Variants in WWC2 observed in about 807,000 individuals in gnomAD.
WWC2 encodes WW and C2 domain containing 2.
WWC2 carries 101 observed loss-of-function variants against 138.5 expected under a neutral mutation model. That is an observed-to-expected ratio of 0.73 (90% confidence interval 0.62 to 0.86). WWC2 has a LOEUF of 0.86. Ranked by LOEUF, WWC2 falls within the 40% of genes least tolerant of loss-of-function variation. The pLI is 0.00. For synonymous variants in WWC2, 558 were observed against 538.4 expected (o/e 1.04, Z -0.50); for missense variants, 1,420 against 1,419.4 (o/e 1.00, Z -0.01).
intron 1 of WWC2, among the ~76,000 whole-genome samples, chr4:183,113,109 C>G (rs573480690): frequency 1.3e-5 from 2 of 152,006 alleles, no homozygotes; most frequent in African/African-American, 4.8e-5. Context: ...CCCATCTCTA[C>G]TAAAAATACA....
Position 183,261,333 on chromosome 4 carries a change from G to T in WWC2, c.1710G>T (p.Met570Ile). The change falls in exon 11 of 23, where the codon ATG becomes ATT. Residue 570 changes from methionine (M) to isoleucine (I), a missense_variant. Coordinates refer to ENST00000403733, the MANE Select transcript of WWC2 (RefSeq NM_024949.6). ...TGGTTTTGGAAGGCACGTTTCCCAT[G>T]TCTTCTTCTCATGATGCCTCTCTCC... Reference protein sequence around the residue: ...SPLVLEGTFPMSSSHDASLHQ... With the variant: ...SPLVLEGTFPISSSHDASLHQ... 1 of 1,613,490 alleles carries T rather than the reference G, an allele frequency of 6.2e-7. No individual in the cohort carries two copies.
intron 1 of WWC2, among the ~76,000 whole-genome samples, chr4:183,162,804 G>C (rs187376356): frequency 6.6e-6 from 1 of 152,220 alleles, no homozygotes; most frequent in Non-Finnish European, 1.5e-5. Flanking sequence ...ATCTAGGTTA[G>C]TGGTTATTTG....
At chr4:183,218,802 G>A (rs1238468070) in intron 4 of WWC2, among the ~76,000 whole-genome samples, 2 of 152,068 alleles carry the variant, frequency 1.3e-5, no homozygotes, top group African/African-American at 4.8e-5. Context: ...TTCTGATCAG[G>A]GCTTCAACTG....
intron 21 of WWC2, among the ~76,000 whole-genome samples, chr4:183,302,041 T>C (rs900846257): frequency 1.3e-5 from 2 of 152,206 alleles, no homozygotes; most frequent in African/African-American, 4.8e-5. Context: ...ATGCATTCAT[T>C]TGTATAGCTC....
chr4:183,103,688 A>G (rs1250417079), intron 1 of WWC2, among the ~76,000 whole-genome samples: 1 of 133,468 alleles, frequency 7.5e-6, no homozygotes, highest in Admixed American at 8.5e-5. Flanking sequence ...GCCAGACTGG[A>G]GTGCAGTGGT....
Position 183,315,029 on chromosome 4 carries a change from G to A in WWC2, c.3513-634G>A, listed in dbSNP as rs150618871. On this transcript the variant is annotated intron_variant, in intron 22 of 22. Coordinates refer to ENST00000403733, the MANE Select transcript of WWC2 (RefSeq NM_024949.6). ...AATATGCCCTCAAGAAATACGTGCTGACGGCATAAATGCCATGTACAGTGT... is the reference window on the plus strand; with the variant it reads ...AATATGCCCTCAAGAAATACGTGCTAACGGCATAAATGCCATGTACAGTGT... Among the ~76,000 whole-genome samples the A allele has an allele frequency of 5.0e-3, 759 of 152,354 alleles. 2 individuals carry two copies. Among genetic ancestry groups the A allele is most frequent in the Non-Finnish European group, 7.9e-3 (537 of 68,032 alleles).
chr4:183,169,029 G>A (rs915500144), intron 1 of WWC2, among the ~76,000 whole-genome samples: 3 of 151,634 alleles, frequency 2.0e-5, no homozygotes, highest in East Asian at 3.9e-4. Flanking sequence ...TCTGTTTTTA[G>A]TAGAGATGGG....
intron 1 of WWC2, among the ~76,000 whole-genome samples, chr4:183,122,413 A>C (rs753613692): frequency 4.6e-5 from 7 of 152,250 alleles, no homozygotes; most frequent in Non-Finnish European, 7.3e-5. Context: ...AGTGGATTAC[A>C]ATAAAATTAA....
rs145766376 is a variant in WWC2, at chr4:183,293,927, G to A, written c.3384+4292G>A. ...GAAGAAATGTAAAAGCAAATTCATGGAGAATTTATTACATCCATGTAGAGC... is the reference window on the plus strand; with the variant it reads ...GAAGAAATGTAAAAGCAAATTCATGAAGAATTTATTACATCCATGTAGAGC... On this transcript the variant is annotated intron_variant, in intron 21 of 22. Coordinates refer to ENST00000403733, the MANE Select transcript of WWC2 (RefSeq NM_024949.6). Among the ~76,000 whole-genome samples the A allele has an allele frequency of 3.8e-3, 572 of 152,138 alleles. 3 individuals are homozygous for A. The highest frequency in any genetic ancestry group is 0.018 in the South Asian group (88 of 4,820).
At position 183,261,524 on chromosome 4, in the gene WWC2, G is replaced by A; in HGVS notation, c.1901G>A (p.Gly634Glu). 1 of 1,610,608 alleles carries A rather than the reference G, an allele frequency of 6.2e-7. No individual in the cohort carries two copies. The highest frequency in any genetic ancestry group is 8.5e-7 in the Non-Finnish European group (1 of 1,178,326). The part of the protein sequence containing the change: ...NECAREPLYE[G>E]TADVEKSLPK... ...TGTGCTAGGGAGCCATTATATGAAG[G>A]AACTGCAGGTAAATGCAGCCCTTTG... is the stretch of plus-strand genomic sequence containing the variant. The change falls in exon 11 of 23, where the codon GGA (glycine) becomes GAA (glutamate). Residue 634 changes from glycine (G) to glutamate (E), a missense_variant. By Grantham distance (98) the Gly-to-Glu change is moderately conservative. Transcript: ENST00000403733.
intron 2 of WWC2, among the ~76,000 whole-genome samples, chr4:183,203,986 T>G (rs540384220): frequency 1.9e-4 from 29 of 152,260 alleles, no homozygotes; most frequent in Admixed American, 1.9e-3. Flanking sequence ...GGTTGAGTTC[T>G]CTCAGAAGCA....
chr4:183,100,460 TAGG>T (rs1400231494), intron 1 of WWC2, among the ~76,000 whole-genome samples: 1 of 152,262 alleles, frequency 6.6e-6, no homozygotes, highest in Non-Finnish European at 1.5e-5. Context: ...GTAAGAATAA[TAGG>T]AGGTATTCCT....
In WWC2 at chr4:183,271,119, A is replaced by G; in HGVS notation, c.2440A>G (p.Ser814Gly). ...QISLADLPFS[S>G]EVFTLWYNLL... Reference sequence around the variant, plus strand: ...CAGCCTGGCAGATTTACCATTTTCCAGTGAGGTTTTCACTCTATGGTATAA... The same window carrying G: ...CAGCCTGGCAGATTTACCATTTTCCGGTGAGGTTTTCACTCTATGGTATAA... The change falls in exon 16 of 23, where the codon AGT (serine) becomes GGT (glycine). Residue 814 changes from serine to glycine, a missense_variant. Ser to Gly is a moderately conservative substitution (Grantham distance 56, BLOSUM62 0). Coordinates refer to ENST00000403733, the MANE Select transcript of WWC2 (RefSeq NM_024949.6). 1.2e-6 allele frequency: 2 copies of G among 1,609,336 alleles called. No individual in the cohort carries two copies. Among genetic ancestry groups the G allele is most frequent in the Non-Finnish European group, 1.7e-6 (2 of 1,177,810 alleles).
rs575275062 is a variant in WWC2 at position 183,154,493 on chromosome 4, G to T, written c.132-39106G>T. On this transcript the variant is annotated intron_variant, in intron 1 of 22. Transcript: ENST00000403733. ...CCTTGTCCTGAATGAGGAGGAAAAG[G>T]TCAGGCACAACCTTGTGATTTCCCC... Among the ~76,000 whole-genome samples, 12 of 152,286 alleles carry T rather than the reference G, an allele frequency of 7.9e-5. 1 individual carries two copies. In the South Asian group the frequency reaches 2.5e-3, roughly 32 times the overall value.
intron 1 of WWC2, among the ~76,000 whole-genome samples, chr4:183,107,011 T>C (rs1743382731): frequency 6.6e-6 from 1 of 152,216 alleles, no homozygotes; most frequent in African/African-American, 2.4e-5. Flanking sequence ...CTAGACTGTT[T>C]ACCACCATTT....
intron 1 of WWC2, among the ~76,000 whole-genome samples, chr4:183,116,703 A>G (rs1040602476): frequency 1.3e-5 from 2 of 152,220 alleles, no homozygotes; most frequent in Admixed American, 1.3e-4. Flanking sequence ...CTTAATTCTT[A>G]TGCTACCTGT....
chr4:183,271,600 A>T (rs1012510800), intron 16 of WWC2, among the ~76,000 whole-genome samples: 1 of 152,218 alleles, frequency 6.6e-6, no homozygotes, highest in African/African-American at 2.4e-5. Flanking sequence ...TTCCACTGTC[A>T]GGTTATACAT....
chr4:183,173,011 G>C (rs993639515), intron 1 of WWC2, among the ~76,000 whole-genome samples: 1 of 151,446 alleles, frequency 6.6e-6, no homozygotes. Flanking sequence ...ATTTATGTAC[G>C]TATTTATTTA....
At chr4:183,247,311 C>T (rs1736808658) in intron 6 of WWC2, among the ~76,000 whole-genome samples, 2 of 151,680 alleles carry the variant, frequency 1.3e-5, no homozygotes, top group African/African-American at 4.8e-5. Context: ...CTAGTAACAA[C>T]CTACTAAATT....
Sources: allele counts gnomAD v4.1 joint callset (sites outside exome capture counted in the v4.1 genomes callset), GRCh38; gene constraint gnomAD v4.1.1; transcripts MANE v1.5; gene names NCBI Gene and HGNC (gene_info 2026-07-23, HGNC 2026-07-21).